The following ACACA variants were observed in gnomAD, a reference collection of about 807,000 sequenced individuals.
ACACA encodes acetyl-CoA carboxylase 1.
Under a neutral mutation model 296.1 loss-of-function variants are expected in ACACA, and 103 were observed. The ratio of observed to expected loss-of-function variants is 0.35; its 90% CI spans 0.30 to 0.41. The LOEUF (loss-of-function observed/expected upper bound fraction) is 0.41. ACACA is among the 10% of genes least tolerant of loss of function. The pLI, the probability that ACACA is intolerant of heterozygous loss-of-function variation, is 1.00. For missense variants in ACACA, 1,554 were observed against 2,989.7 expected (o/e 0.52, Z 11.20); for synonymous variants, 953 against 1,038.6 (o/e 0.92, Z 1.58).
In ACACA at chr17:37,299,232, T is replaced by G. The variant is rs1209544025; in HGVS notation, c.339-14262A>C. ...GGCTTAGCTGTCAGTACCTTACTGT[T>G]TTTTTAAAGATATATATATTACCCA... is the stretch of plus-strand genomic sequence containing the variant. On this transcript the variant is annotated intron_variant, in intron 3 of 55. Coordinates refer to ENST00000616317, the MANE Select transcript of ACACA (RefSeq NM_198834.3). 26 of 1,582,812 alleles carry G rather than the reference T, an allele frequency of 1.6e-5. No homozygotes were observed. In the Admixed American group the frequency reaches 3.9e-4, roughly 23 times the overall value.
At position 37,263,829 on chromosome 17, in the gene ACACA, C is replaced by T. The variant is rs2081622107; in HGVS notation, c.1185G>A (p.Leu395=). 6.2e-7 allele frequency: 1 copy of T among 1,613,944 alleles called. No individual in the cohort carries two copies. Among genetic ancestry groups the T allele is most frequent in the Non-Finnish European group, 8.5e-7 (1 of 1,179,984 alleles). ...ATTGGTCCGCTAAGATCTGCACCTC[C>T]AGATGACGAGATTGTTTGGCTAGTC... ...VMRLAKQSRH[L]EVQILADQYG... is the part of the protein sequence containing the mutation. The change falls in exon 11 of 56, where the codon CTG becomes CTA. Residue 395 remains leucine (L), a synonymous_variant. Coordinates refer to ENST00000616317, the MANE Select transcript of ACACA (RefSeq NM_198834.3).
Position 37,086,063 on chromosome 17 carries a change from A to C in ACACA, c.*1253T>G, listed in dbSNP as rs140469577. On this transcript the variant is annotated 3_prime_UTR_variant, in exon 56 of 56. Transcript: ENST00000616317. ...CCCCTGATGCCAGTCAGGAGGGGCCAGTAAGCCTGGAGGACAGCAGCACCA... is the reference window on the plus strand; with the variant it reads ...CCCCTGATGCCAGTCAGGAGGGGCCCGTAAGCCTGGAGGACAGCAGCACCA... 1.1e-3 allele frequency: 401 copies of C among 367,216 alleles called. 1 individual carries two copies. The highest frequency in any genetic ancestry group is 7.6e-3 in the African/African-American group (368 of 48,172). The allele number at this position is 367,216 out of a possible 1,614,324, so 22.7% of individuals were successfully genotyped here. A position where few individuals can be genotyped will look rare whatever the true frequency, so the allele number is the denominator to read the frequency against.
rs185685795 is a variant in ACACA at position 37,401,747 on chromosome 17, T to C, written c.38+4515A>G. ...CTAATTTTTTGATTTTTTTGTAGAG[T>C]TGAACTCTCACTAAGTCACCCAGTT... On this transcript the variant is annotated intron_variant, in intron 1 of 55. Transcript: ENST00000616317. 1.6e-4 allele frequency among the ~76,000 whole-genome samples: 25 copies of C among 151,888 alleles called. 1 individual carries two copies. In the South Asian group the frequency reaches 4.4e-3, roughly 27 times the overall value.
intron 6 of ACACA, 56 bp downstream of exon 6, chr17:37,277,840 T>A: frequency 7.5e-7 from 1 of 1,340,070 alleles, no homozygotes; most frequent in Non-Finnish European, 1.1e-6. Flanking sequence ...TATCCCCTTG[T>A]GCCTAACTAT....
intron 23 of ACACA, 32 bp downstream of exon 23, chr17:37,241,921 A>G (rs969475062): frequency 2.6e-6 from 4 of 1,553,452 alleles, no homozygotes; most frequent in Non-Finnish European, 3.6e-6. Flanking sequence ...GAGTATGGAC[A>G]GGTCTGGGAA....
intron 3 of ACACA, among the ~76,000 whole-genome samples, chr17:37,326,038 T>A (rs943014664): frequency 1.2e-4 from 18 of 151,136 alleles, no homozygotes; most frequent in African/African-American, 3.6e-4. Context: ...TGAAACCCCA[T>A]CTCTACTAAA....
At chr17:37,298,338 C>T (rs2083454688) in intron 3 of ACACA, among the ~76,000 whole-genome samples, 1 of 152,080 alleles carries the variant, frequency 6.6e-6, no homozygotes, top group Admixed American at 6.6e-5. Context: ...GTTTAACTTT[C>T]AGTAATTTTC....
chr17:37,232,889 T>A (rs991117412), intron 25 of ACACA, among the ~76,000 whole-genome samples: 4 of 151,746 alleles, frequency 2.6e-5, no homozygotes, highest in Non-Finnish European at 5.9e-5. Context: ...CTCCTCCTCT[T>A]CCCATCCCCC....
At chr17:37,115,450 A>G (rs1015805398) in intron 50 of ACACA, among the ~76,000 whole-genome samples, 5 of 152,198 alleles carry the variant, frequency 3.3e-5, no homozygotes, top group Non-Finnish European at 5.9e-5. Context: ...AAAGGTATAG[A>G]TAAAAGGAGA....
chr17:37,130,543 C>A (rs1340782786), intron 45 of ACACA, among the ~76,000 whole-genome samples: 1 of 151,760 alleles, frequency 6.6e-6, no homozygotes, highest in African/African-American at 2.4e-5. Flanking sequence ...GCACGTTGTG[C>A]ACATGTACCC....
intron 24 of ACACA, 54 bp from the exon 25 acceptor site, chr17:37,235,153 C>T: frequency 6.3e-7 from 1 of 1,599,684 alleles, no homozygotes; most frequent in Non-Finnish European, 8.5e-7. Flanking sequence ...TTCACATTTA[C>T]ATGCTATTTG....
chr17:37,179,114 A>G, intron 41 of ACACA, 146 bp downstream of exon 41: 1 of 1,023,430 alleles, frequency 9.8e-7, no homozygotes, highest in South Asian at 1.6e-5. Flanking sequence ...AAAATTAATA[A>G]TTTCTTGATA....
chr17:37,355,072 C>T (rs1417588910), intron 1 of ACACA, among the ~76,000 whole-genome samples: 2 of 151,510 alleles, frequency 1.3e-5, no homozygotes, highest in African/African-American at 4.9e-5. Context: ...GGTGAAACCC[C>T]ATCTCTATTA....
intron 36 of ACACA, 65 bp from the exon 37 acceptor site, chr17:37,192,370 T>C: frequency 7.0e-7 from 1 of 1,435,340 alleles, no homozygotes; most frequent in Non-Finnish European, 9.7e-7. Context: ...ACTATGAATG[T>C]GAATGTAAAA....
intron 45 of ACACA, among the ~76,000 whole-genome samples, chr17:37,146,011 T>C (rs1597965933): frequency 6.6e-6 from 1 of 152,122 alleles, no homozygotes; most frequent in Non-Finnish European, 1.5e-5. Flanking sequence ...GGTTTTGGAA[T>C]AAAAGACACA....
At chr17:37,194,209 A>G (rs1334909932) in intron 35 of ACACA, among the ~76,000 whole-genome samples, 1 of 152,154 alleles carries the variant, frequency 6.6e-6, no homozygotes, top group Non-Finnish European at 1.5e-5. Flanking sequence ...ATTTGCCTCT[A>G]TAGGAGGTTT....
At chr17:37,126,382 C>T (rs574273396) in intron 47 of ACACA, among the ~76,000 whole-genome samples, 1 of 152,256 alleles carries the variant, frequency 6.6e-6, no homozygotes, top group South Asian at 2.1e-4. Context: ...AAAAGGGCCA[C>T]ATATTCTTGA....
chr17:37,191,007 G>T (rs2077729399), intron 38 of ACACA, 113 bp downstream of exon 38: 2 of 1,279,742 alleles, frequency 1.6e-6, no homozygotes, highest in Admixed American at 1.9e-5. Flanking sequence ...CAGATTAAGG[G>T]CTCAACAGCC....
intron 30 of ACACA, among the ~76,000 whole-genome samples, chr17:37,209,356 G>A (rs2078650920): frequency 6.6e-6 from 1 of 152,302 alleles, no homozygotes; most frequent in South Asian, 2.1e-4. Context: ...AGACAGGAAA[G>A]ATAAAAGGGT....
Sources: gnomAD v4.1 joint callset for allele counts (sites outside exome capture counted in the v4.1 genomes callset) on GRCh38, gnomAD v4.1.1 for gene constraint, MANE v1.5 for transcripts, NCBI Gene and HGNC (gene_info 2026-07-23, HGNC 2026-07-21) for gene names.